The following UBR4 variants were observed in gnomAD, a reference collection of about 807,000 sequenced individuals.
UBR4 encodes ubiquitin protein ligase E3 component n-recognin 4.
In UBR4, 124 loss-of-function variants were observed where a neutral mutation model predicts 575.6. That is an observed-to-expected ratio of 0.22 (90% CI 0.19 to 0.25). The LOEUF (loss-of-function observed/expected upper bound fraction) is 0.25, where lower values mean the gene tolerates loss of function less well. Ranked by LOEUF, UBR4 falls within the 10% of genes least tolerant of loss-of-function variation. The probability of loss-of-function intolerance (pLI) is 1.00; values close to 1 mark genes in which losing one functional copy is unlikely to be tolerated. For missense variants in UBR4, 4,818 were observed against 6,478.8 expected, an observed-to-expected ratio of 0.74 and a Z score of 8.80; for synonymous variants, 2,455 against 2,473.7, an observed-to-expected ratio of 0.99 and a Z score of 0.22.
intron 97 of UBR4, among the ~76,000 whole-genome samples, chr1:19,092,492 G>C (rs2077621689): frequency 6.6e-6 from 1 of 151,914 alleles, no homozygotes; most frequent in Non-Finnish European, 1.5e-5. Context: ...GCTTGAGGCA[G>C]AGAAGATAGA....
chr1:19,171,707 G>A (rs2089569488), intron 25 of UBR4, among the ~76,000 whole-genome samples: 1 of 152,128 alleles, frequency 6.6e-6, no homozygotes, highest in African/African-American at 2.4e-5. Context: ...AAATTAGCCA[G>A]GCATGGTGGT....
Position 19,170,788 on chromosome 1 carries a change from G to T in UBR4, c.3617C>A (p.Ser1206Tyr). The T allele has an allele frequency of 6.2e-7, 1 of 1,614,190 alleles. No individual in the cohort carries two copies. The highest frequency in any genetic ancestry group is 8.5e-7 in the Non-Finnish European group (1 of 1,180,028). ...QGFAAVLAIG[S>Y]SRCKANTLGP... ...CAGAGTATTTGCCTTGCACCTGCTA[G>T]AGCCAATAGCCAAAACAGCAGCAAA... Residue 1206 changes from serine to tyrosine, a missense_variant, in exon 26 of 106, where the codon TCT becomes TAT. Transcript: ENST00000375254.
Position 19,114,823 on chromosome 1 carries a change from T to G in UBR4, c.11190A>C (p.Glu3730Asp). The G allele has an allele frequency of 6.2e-7, 1 of 1,614,194 alleles. No individual in the cohort carries two copies. Among genetic ancestry groups the G allele is most frequent in the Non-Finnish European group, 8.5e-7 (1 of 1,180,034 alleles). The change falls in exon 75 of 106, where the codon GAA (glutamate) becomes GAC (aspartate). Residue 3730 changes from glutamate to aspartate, a missense_variant. Glu to Asp is a conservative substitution (Grantham distance 45). Around this residue, in one of 29 missense-constraint regions of UBR4, gnomAD observed 333 missense variants for 459.2 expected, o/e 0.73. Transcript: ENST00000375254. ...CCAVDPIENE[E>D]DRKKAVSNIN... ...GATCTGGCCTCACCTTCTTCCGGTC[T>G]TCTTCATTCTCAATGGGATCCACTG...
chr1:19,175,082 T>C, intron 20 of UBR4, 49 bp from the exon 21 acceptor site: 1 of 1,515,164 alleles, frequency 6.6e-7, no homozygotes, highest in African/African-American at 1.4e-5. Context: ...CTTAACTCTA[T>C]CTGACTAGTA....
chr1:19,134,550 G>A (rs973748024), intron 60 of UBR4, among the ~76,000 whole-genome samples: 4 of 152,208 alleles, frequency 2.6e-5, no homozygotes, highest in Non-Finnish European at 4.4e-5. Context: ...AGAACTCAGA[G>A]ACAAAGTTTA....
In UBR4 at chr1:19,179,093, T is replaced by G; in HGVS notation, c.2312A>C (p.Gln771Pro). The change falls in exon 18 of 106, where the codon CAA becomes CCA. Residue 771 changes from glutamine (Q) to proline (P), a missense_variant. Gln to Pro is a moderately conservative substitution (Grantham distance 76). Transcript: ENST00000375254. The part of the protein sequence containing the change: ...LLIWQHKASA[Q>P]GDPDVPECLK... ...GCATTCTGGGACGTCAGGGTCACCT[T>G]GAGCACTGGCTTTATGTTGCCAGAT... 1.9e-6 allele frequency: 3 copies of G among 1,613,928 alleles called. No homozygotes were observed. The highest frequency in any genetic ancestry group is 2.5e-6 in the Non-Finnish European group (3 of 1,179,948).
intron 89 of UBR4, 28 bp from the exon 90 acceptor site, chr1:19,099,705 G>A (rs2236377): frequency 0.63 from 999,753 of 1,595,256 alleles, 317,267 homozygotes; most frequent in East Asian, 0.83. Flanking sequence ...TGAAGCTGTT[G>A]TTCCAAATAA....
At chr1:19,151,314 G>C in intron 48 of UBR4, 1 of 418,898 alleles carries the variant, frequency 2.4e-6, no homozygotes, top group Non-Finnish European at 4.4e-6. Context: ...CTTCCTCTGT[G>C]CGTTAAGAAA....
intron 83 of UBR4, 26 bp from the exon 84 acceptor site, chr1:19,105,868 C>A: frequency 6.6e-7 from 1 of 1,525,050 alleles, no homozygotes; most frequent in South Asian, 1.3e-5. Context: ...GAGAAGGGGT[C>A]GTAGACTCAG....
At chr1:19,141,905 A>T in intron 55 of UBR4, 128 bp from the exon 56 acceptor site, 1 of 1,334,240 alleles carries the variant, frequency 7.5e-7, no homozygotes, top group Non-Finnish European at 1.0e-6. Context: ...TTAGCGGGAG[A>T]ACTCCGGGGT....
At chr1:19,183,195 C>T (rs925345034) in intron 17 of UBR4, among the ~76,000 whole-genome samples, 2 of 152,204 alleles carry the variant, frequency 1.3e-5, no homozygotes, top group Non-Finnish European at 2.9e-5. Flanking sequence ...ACTTATACTT[C>T]TTTTCATATA....
intron 81 of UBR4, among the ~76,000 whole-genome samples, chr1:19,107,727 G>C (rs2079383038): frequency 6.6e-6 from 1 of 152,092 alleles, no homozygotes; most frequent in Non-Finnish European, 1.5e-5. Context: ...AGGGTTTGCA[G>C]TGAGCCGAGA....
intron 61 of UBR4, among the ~76,000 whole-genome samples, chr1:19,128,583 C>CGATA (rs1258023698): frequency 6.6e-6 from 1 of 152,114 alleles, no homozygotes; most frequent in Non-Finnish European, 1.5e-5. Context: ...TATATTATAT[C>CGATA]CAAGCAAGTA....
intron 26 of UBR4, among the ~76,000 whole-genome samples, chr1:19,170,278 G>C (rs2089303477): frequency 6.6e-6 from 1 of 152,304 alleles, no homozygotes; most frequent in African/African-American, 2.4e-5. Context: ...ATGTGCCTGG[G>C]ATCCCAGCTA....
At chr1:19,120,437 G>A (rs2081044189) in intron 68 of UBR4, 89 bp from the exon 69 acceptor site, 1 of 1,470,158 alleles carries the variant, frequency 6.8e-7, no homozygotes. Flanking sequence ...GTGAGGGAGG[G>A]AATTCTGTCC....
chr1:19,203,373 C>T (rs2092845007), intron 1 of UBR4, among the ~76,000 whole-genome samples: 1 of 151,984 alleles, frequency 6.6e-6, no homozygotes, highest in African/African-American at 2.4e-5. Context: ...TGGTGGCACC[C>T]ACCTGTAGTC....
rs144792772 is a variant in UBR4, at chr1:19,194,159, A to T, written c.1019-602T>A. Among the ~76,000 whole-genome samples the T allele has an allele frequency of 2.6e-5, 4 of 152,368 alleles. No individual in the cohort carries two copies. In the East Asian group the frequency reaches 5.8e-4, roughly 22 times the overall value. On this transcript the variant is annotated intron_variant, in intron 8 of 105. Transcript: ENST00000375254. ...GTCAAAACCCATAGACCTGTACAAC[A>T]CAAAAATGAAACCCCAATGTAAACT...
At chr1:19,209,170 C>T (rs2093173757) in intron 1 of UBR4, among the ~76,000 whole-genome samples, 1 of 152,190 alleles carries the variant, frequency 6.6e-6, no homozygotes, top group Admixed American at 6.5e-5. Context: ...ATACCCTTGT[C>T]ATCGTGAAGC....
At chr1:19,177,338 A>G (rs993469186) in intron 19 of UBR4, 123 bp downstream of exon 19, 2 of 1,243,406 alleles carry the variant, frequency 1.6e-6, no homozygotes, top group African/African-American at 3.0e-5. Context: ...AATCCTACCC[A>G]TCAACCTACC....
Sources: allele counts gnomAD v4.1 joint callset (sites outside exome capture counted in the v4.1 genomes callset), GRCh38; gene constraint gnomAD v4.1.1; regional missense constraint gnomAD v4.1.1; transcripts MANE v1.5; gene names NCBI Gene and HGNC (gene_info 2026-07-23, HGNC 2026-07-21).